The following STXBP5L variants were observed in gnomAD, a reference collection of about 807,000 sequenced individuals.
The protein encoded by STXBP5L is syntaxin-binding protein 5-like.
Under a neutral mutation model 144.5 loss-of-function variants are expected in STXBP5L, and 65 were observed. The observed-to-expected ratio is 0.45, with a 90% CI of 0.37 to 0.55. The LOEUF is 0.55. Among genes scored for constraint, STXBP5L ranks in the 20% least tolerant of loss-of-function variants. STXBP5L has a pLI of 0.00. For missense variants in STXBP5L, 1,298 were observed against 1,405.5 expected, an observed-to-expected ratio of 0.92 and a Z score of 1.22; for synonymous variants, 505 against 469.6, an observed-to-expected ratio of 1.08 and a Z score of -0.97.
chr3:120,996,384 AT>A (rs1480931346), intron 3 of STXBP5L, among the ~76,000 whole-genome samples: 2 of 152,038 alleles, frequency 1.3e-5, no homozygotes, highest in Non-Finnish European at 2.9e-5. Context: ...TGTCATATAT[AT>A]TTTTTGAACT....
rs182192027 is a variant in STXBP5L, at chr3:121,165,913, T to G, written c.877+8286T>G. On this transcript the variant is annotated intron_variant, in intron 9 of 26. Coordinates refer to ENST00000471454, the MANE Select transcript of STXBP5L (RefSeq NM_001308330.2). ...GGTTTTTTTGATTTATAGATTTATA[T>G]TTTTTATTTGTTATGAAAAGTTACC... Among the ~76,000 whole-genome samples, 6 of 152,302 alleles carry G rather than the reference T, an allele frequency of 3.9e-5. No homozygotes were observed. The South Asian group carries it at 6.2e-4, about 16-fold the overall frequency.
chr3:121,089,548 T>A (rs1176754187), intron 5 of STXBP5L, among the ~76,000 whole-genome samples: 1 of 151,962 alleles, frequency 6.6e-6, no homozygotes. Context: ...TTTTCTTCCT[T>A]GTTTTTATCT....
At chr3:121,371,614 T>C (rs1424631350) in intron 20 of STXBP5L, among the ~76,000 whole-genome samples, 1 of 152,164 alleles carries the variant, frequency 6.6e-6, no homozygotes, top group East Asian at 1.9e-4. Context: ...AGTGGCAGTA[T>C]GTCTGGGGCG....
At chr3:121,210,261 G>C (rs1324244599) in intron 10 of STXBP5L, among the ~76,000 whole-genome samples, 1 of 152,060 alleles carries the variant, frequency 6.6e-6, no homozygotes, top group Non-Finnish European at 1.5e-5. Flanking sequence ...CATACCCTTT[G>C]CCCATTTTTT....
At chr3:121,394,415 T>C (rs2046673442) in intron 22 of STXBP5L, among the ~76,000 whole-genome samples, 1 of 142,382 alleles carries the variant, frequency 7.0e-6, no homozygotes, top group South Asian at 2.3e-4. Flanking sequence ...TTTTTTTTTT[T>C]CTCTTGCCTG....
At chr3:121,041,601 C>G in intron 3 of STXBP5L, 99 bp from the exon 4 acceptor site, 1 of 888,724 alleles carries the variant, frequency 1.1e-6, no homozygotes, top group Non-Finnish European at 1.8e-6. Context: ...ATAAGGGAAA[C>G]CAAATAGCAA....
At chr3:121,417,485 AAAG>A in intron 25 of STXBP5L, among the ~76,000 whole-genome samples, 1 of 151,574 alleles carries the variant, frequency 6.6e-6, no homozygotes, top group Non-Finnish European at 1.5e-5. Flanking sequence ...AAAAATAAAA[AAAG>A]AATCTCACTT....
intron 9 of STXBP5L, among the ~76,000 whole-genome samples, chr3:121,163,539 T>C (rs969512066): frequency 6.6e-6 from 1 of 151,676 alleles, no homozygotes; most frequent in Non-Finnish European, 1.5e-5. Context: ...TGATTACCTA[T>C]GTAACAAACC....
chr3:120,916,813 G>A (rs111699750), intron 2 of STXBP5L, among the ~76,000 whole-genome samples: 2,514 of 152,158 alleles, frequency 0.017, 64 homozygotes, highest in African/African-American at 0.057. Context: ...TTACCAAAAT[G>A]AACACAATAA....
chr3:121,165,348 A>G (rs1021706937), intron 9 of STXBP5L, among the ~76,000 whole-genome samples: 3 of 152,068 alleles, frequency 2.0e-5, no homozygotes, highest in Admixed American at 6.6e-5. Flanking sequence ...ATTGGGAACT[A>G]TTTTCCCCCA....
At chr3:121,017,215 G>A (rs923536477) in intron 3 of STXBP5L, among the ~76,000 whole-genome samples, 1 of 152,096 alleles carries the variant, frequency 6.6e-6, no homozygotes, top group Non-Finnish European at 1.5e-5. Context: ...TGCAGAGTAA[G>A]CATTGCATTT....
At chr3:121,053,278 T>C (rs916587808) in intron 5 of STXBP5L, among the ~76,000 whole-genome samples, 1 of 152,094 alleles carries the variant, frequency 6.6e-6, no homozygotes, top group Non-Finnish European at 1.5e-5. Context: ...AATCCCCCAT[T>C]GCCAAGTCAA....
chr3:121,193,470 G>A (rs887267280), intron 9 of STXBP5L, among the ~76,000 whole-genome samples: 1 of 151,538 alleles, frequency 6.6e-6, no homozygotes, highest in African/African-American at 2.4e-5. Flanking sequence ...TCCCATTACT[G>A]GGTATGTACC....
chr3:121,026,589 T>C (rs1945960572), intron 3 of STXBP5L, among the ~76,000 whole-genome samples: 1 of 152,028 alleles, frequency 6.6e-6, no homozygotes. Context: ...CCTTAGCTAA[T>C]GTAGTTTCAG....
At chr3:121,191,040 C>A (rs1308317803) in intron 9 of STXBP5L, among the ~76,000 whole-genome samples, 1 of 151,690 alleles carries the variant, frequency 6.6e-6, no homozygotes, top group Non-Finnish European at 1.5e-5. Flanking sequence ...GGAAGAGGCG[C>A]TCCTCACTTC....
chr3:121,184,409 A>G (rs763329411), intron 9 of STXBP5L, among the ~76,000 whole-genome samples: 2 of 151,912 alleles, frequency 1.3e-5, no homozygotes, highest in South Asian at 2.1e-4. Context: ...CAAGAACTTC[A>G]TGAAGCATAC....
At chr3:121,287,622 G>T (rs1559937768) in intron 19 of STXBP5L, among the ~76,000 whole-genome samples, 2 of 151,714 alleles carry the variant, frequency 1.3e-5, no homozygotes, top group Admixed American at 1.3e-4. Context: ...CGAGGTCAGG[G>T]GTTCGAGACC....
chr3:121,158,611 G>A (rs1161825912), intron 9 of STXBP5L: 2 of 152,212 alleles, frequency 1.3e-5, no homozygotes, highest in South Asian at 2.1e-4. Flanking sequence ...CTTACTTAGA[G>A]ATGCTTTATT....
intron 22 of STXBP5L, among the ~76,000 whole-genome samples, chr3:121,382,766 C>T (rs1273107182): frequency 1.3e-5 from 2 of 152,082 alleles, no homozygotes; most frequent in African/African-American, 4.8e-5. Context: ...TAAAGCAGAT[C>T]TCTCAATATT....
Sources: allele counts gnomAD v4.1 joint callset (sites outside exome capture counted in the v4.1 genomes callset), GRCh38; gene constraint gnomAD v4.1.1; transcripts MANE v1.5; gene names NCBI Gene and HGNC (gene_info 2026-07-23, HGNC 2026-07-21).